Variants in VIP observed in about 807,000 individuals in gnomAD.
VIP encodes the protein VIP peptides.
Under a neutral mutation model 20.1 loss-of-function variants are expected in VIP, and 18 were observed. That is an observed-to-expected ratio of 0.90 (90% confidence interval 0.62 to 1.33). The LOEUF (loss-of-function observed/expected upper bound fraction) is 1.33, where lower values mean the gene tolerates loss of function less well. Ranked by LOEUF, VIP falls within the 40% of genes most tolerant of loss-of-function variation. The pLI is 0.00. For missense variants in VIP, 209 were observed against 199.4 expected, an observed-to-expected ratio of 1.05 and a Z score of -0.29; for synonymous variants, 70 against 68.1, an observed-to-expected ratio of 1.03 and a Z score of -0.14.
chr6:152,756,754 T>A (rs752054942), intron 5 of VIP, among the ~76,000 whole-genome samples: 7 of 151,978 alleles, frequency 4.6e-5, no homozygotes, highest in Admixed American at 1.3e-4. Context: ...TATCTCTCTA[T>A]GGTGTGTAAA....
chr6:152,754,029 C>A (rs942031848), intron 2 of VIP, 137 bp from the exon 3 acceptor site: 14 of 959,724 alleles, frequency 1.5e-5, no homozygotes, highest in Non-Finnish European at 1.3e-5. Flanking sequence ...GCCATTAAGT[C>A]AAATTATGCT....
chr6:152,754,523 T>A (rs572887765), intron 3 of VIP, among the ~76,000 whole-genome samples: 1 of 152,128 alleles, frequency 6.6e-6, no homozygotes, highest in East Asian at 1.9e-4. Context: ...ACTTCCATTC[T>A]GTTGCACATA....
intron 2 of VIP, among the ~76,000 whole-genome samples, chr6:152,752,550 C>T (rs2099729804): frequency 6.6e-6 from 1 of 152,038 alleles, no homozygotes. Context: ...GAGGCTTTCA[C>T]TTTCTTTTTA....
At chr6:152,751,854 G>A (rs1376772080) in intron 1 of VIP, among the ~76,000 whole-genome samples, 1 of 152,016 alleles carries the variant, frequency 6.6e-6, no homozygotes, top group Non-Finnish European at 1.5e-5. Flanking sequence ...AGCTTGAGTG[G>A]TACATCCCTG....
At chr6:152,754,358 G>A in intron 3 of VIP, 70 bp downstream of exon 3, 1 of 1,431,132 alleles carries the variant, frequency 7.0e-7, no homozygotes, top group Non-Finnish European at 9.4e-7. Context: ...CTATAAACGT[G>A]CTTATTTTAT....
At chr6:152,756,966 A>G in intron 5 of VIP, 130 bp from the exon 6 acceptor site, 1 of 748,454 alleles carries the variant, frequency 1.3e-6, no homozygotes, top group Non-Finnish European at 2.1e-6. Flanking sequence ...CAAACCTCAA[A>G]GATAATTGTT....
At chr6:152,756,308 A>G in intron 5 of VIP, 43 bp downstream of exon 5, 1 of 1,581,544 alleles carries the variant, frequency 6.3e-7, no homozygotes, top group Non-Finnish European at 8.6e-7. Flanking sequence ...ATCATGACTG[A>G]CTTTCAAAAT....
chr6:152,754,410 C>A, intron 3 of VIP, 122 bp downstream of exon 3: 1 of 907,742 alleles, frequency 1.1e-6, no homozygotes, highest in Non-Finnish European at 1.6e-6. Context: ...CTAGAGGTTT[C>A]TATGTGTCAT....
At chr6:152,753,553 A>T (rs1254201795) in intron 2 of VIP, among the ~76,000 whole-genome samples, 1 of 152,056 alleles carries the variant, frequency 6.6e-6, no homozygotes, top group African/African-American at 2.4e-5. Context: ...GCCCCATAAA[A>T]CTTATTGAAT....
At chr6:152,757,941 C>G (rs569932552) in intron 6 of VIP, among the ~76,000 whole-genome samples, 1 of 151,928 alleles carries the variant, frequency 6.6e-6, no homozygotes, top group Admixed American at 6.6e-5. Context: ...TAATACTGGG[C>G]AAGTGCTTAA....
At chr6:152,754,442 C>T (rs538405598) in intron 3 of VIP, among the ~76,000 whole-genome samples, 154 bp downstream of exon 3, 19 of 152,092 alleles carry the variant, frequency 1.2e-4, no homozygotes, top group Admixed American at 3.9e-4. Flanking sequence ...TCCTGATTTA[C>T]TGCAGATCTT....
chr6:152,751,554 T>G (rs769384146), intron 1 of VIP, among the ~76,000 whole-genome samples: 10 of 152,166 alleles, frequency 6.6e-5, no homozygotes, highest in Non-Finnish European at 1.2e-4. Context: ...TATGATTCAG[T>G]AATATTTTGA....
At chr6:152,755,819 TTA>T (rs2099730347) in intron 4 of VIP, among the ~76,000 whole-genome samples, 1 of 151,328 alleles carries the variant, frequency 6.6e-6, no homozygotes, top group Non-Finnish European at 1.5e-5. Flanking sequence ...TATGTTTTTT[TTA>T]AAAAAAAAAA....
intron 2 of VIP, among the ~76,000 whole-genome samples, chr6:152,753,232 C>A (rs2129074262): frequency 6.6e-6 from 1 of 152,216 alleles, no homozygotes; most frequent in Non-Finnish European, 1.5e-5. Flanking sequence ...GATGAACAAT[C>A]ACAAGAATGT....
chr6:152,753,848 A>T (rs909588623), intron 2 of VIP, among the ~76,000 whole-genome samples: 8 of 152,084 alleles, frequency 5.3e-5, no homozygotes, highest in Admixed American at 4.6e-4. Flanking sequence ...TGCAAAGTGA[A>T]GATATTCTTG....
At position 152,754,174 on chromosome 6, in the gene VIP, A is replaced by T; in HGVS notation, c.116A>T (p.Asp39Val). The T allele has an allele frequency of 6.2e-7, 1 of 1,609,588 alleles. No individual in the cohort carries two copies. The highest frequency in any genetic ancestry group is 8.5e-7 in the Non-Finnish European group (1 of 1,177,920). ...GTAACTTTCCCCATCAGGTTGGGTG[A>T]CAGAATACCCTTTGAGGGAGCAAAT... ...YRAPSALRLG[D>V]RIPFEGANEP... The change falls in exon 3 of 7, where the codon GAC (aspartate) becomes GTC (valine). Residue 39 changes from aspartate to valine, a missense_variant. Coordinates refer to ENST00000367244, the MANE Select transcript of VIP (RefSeq NM_003381.4).
At chr6:152,754,622 T>C (rs1275044604) in intron 3 of VIP, among the ~76,000 whole-genome samples, 1 of 152,010 alleles carries the variant, frequency 6.6e-6, no homozygotes, top group East Asian at 1.9e-4. Context: ...GTTTTGTCTC[T>C]ATATAAAGAA....
At position 152,755,260 on chromosome 6, in the gene VIP, T is replaced by C. The variant is rs756369178; in HGVS notation, c.231-9T>C. On this transcript the variant is annotated splice_polypyrimidine_tract_variant and intron_variant, in intron 3 of 6. Transcript: ENST00000367244. ...AAAATAATAGCTATTTTTTTCTTCCTTGTTTTAGAAATGCCAGGCATGCTG... is the reference window on the plus strand; with the variant it reads ...AAAATAATAGCTATTTTTTTCTTCCCTGTTTTAGAAATGCCAGGCATGCTG... 2 of 1,547,572 alleles carry C rather than the reference T, an allele frequency of 1.3e-6. No individual in the cohort carries two copies. The highest frequency in any genetic ancestry group is 1.7e-6 in the Non-Finnish European group (2 of 1,149,352).
chr6:152,751,816 G>C (rs1340885586), intron 1 of VIP, among the ~76,000 whole-genome samples: 1 of 152,122 alleles, frequency 6.6e-6, no homozygotes, highest in Non-Finnish European at 1.5e-5. Flanking sequence ...ATGTCTTGAA[G>C]CTGTTTCCTT....
Sources: gnomAD v4.1 joint callset for allele counts (sites outside exome capture counted in the v4.1 genomes callset) on GRCh38, gnomAD v4.1.1 for gene constraint, MANE v1.5 for transcripts, NCBI Gene and HGNC (gene_info 2026-07-23, HGNC 2026-07-21) for gene names.